Variants in LTBR observed in about 807,000 individuals in gnomAD.
The protein encoded by LTBR is tumor necrosis factor receptor superfamily member 3.
LTBR carries 15 observed loss-of-function variants against 45.4 expected under a neutral mutation model. The observed-to-expected ratio is 0.33, with a 90% CI of 0.22 to 0.51. The LOEUF (loss-of-function observed/expected upper bound fraction) is 0.51. LTBR is among the 20% of genes least tolerant of loss of function. LTBR has a pLI of 0.97. For missense variants in LTBR, 450 were observed against 565.5 expected, an observed-to-expected ratio of 0.80 and a Z score of 2.07; for synonymous variants, 228 against 231.0, an observed-to-expected ratio of 0.99 and a Z score of 0.12.
At chr12:6,390,446 A>C in intron 9 of LTBR, 106 bp downstream of exon 9, 1 of 1,069,046 alleles carries the variant, frequency 9.4e-7, no homozygotes, top group Non-Finnish European at 1.3e-6. Context: ...AGAGGCAGAC[A>C]GAGACTCCGC....
chr12:6,383,924 C>T (rs369118255), upstream of LTBR: 47 of 758,412 alleles, frequency 6.2e-5, no homozygotes, highest in African/African-American at 8.7e-4. Context: ...GGGCTGACCC[C>T]GGGCCCGCCG....
In LTBR at chr12:6,384,401, G is replaced by C; in HGVS notation, c.43G>C (p.Gly15Arg). ...WATSAPGLAW[G>R]PLVLGLFGLL... is the part of the protein sequence containing the mutation. ...CACCTCTGCCCCCGGCCTGGCCTGGGGGCCTCTGGTGCTGGGCCTCTTCGG... is the reference window on the plus strand; with the variant it reads ...CACCTCTGCCCCCGGCCTGGCCTGGCGGCCTCTGGTGCTGGGCCTCTTCGG... The change falls in exon 1 of 10, where the codon GGG becomes CGG. Residue 15 changes from glycine (G) to arginine (R), a missense_variant. Transcript: ENST00000228918. 1 of 1,541,288 alleles carries C rather than the reference G, an allele frequency of 6.5e-7. No homozygotes were observed. The highest frequency in any genetic ancestry group is 8.7e-7 in the Non-Finnish European group (1 of 1,147,660).
At position 6,391,070 on chromosome 12, in the gene LTBR, A is replaced by AGGTGTCTGAGC; in HGVS notation, c.*133_*134insGGTGTCTGAGC. 3.1e-6 allele frequency: 3 copies of AGGTGTCTGAGC among 960,440 alleles called. No individual in the cohort carries two copies. The highest frequency in any genetic ancestry group is 4.4e-6 in the Non-Finnish European group (3 of 683,192). The allele number at this position is 960,440 out of a possible 1,614,324, so 59.5% of individuals were successfully genotyped here. ...AGAGCCCTAAGGGATTAAGGCTCAG[A>AGGTGTCTGAGC]CACCTCTGAGAGCAGGTGGGCACTG... On this transcript the variant is annotated 3_prime_UTR_variant, in exon 10 of 10. Coordinates refer to ENST00000228918, the MANE Select transcript of LTBR (RefSeq NM_002342.3).
At chr12:6,377,036 T>A (rs1044915284) in intron 1 of LTBR, 29 of 488,084 alleles carry the variant, frequency 5.9e-5, no homozygotes, top group Non-Finnish European at 1.0e-4. Flanking sequence ...GCCTAGGGGC[T>A]CACTGCAGGA....
chr12:6,379,688 T>C (rs1948959542), upstream of LTBR, among the ~76,000 whole-genome samples: 1 of 152,036 alleles, frequency 6.6e-6, no homozygotes, highest in South Asian at 2.1e-4. Context: ...CCCAGCACTT[T>C]GGGAGGCCGA....
rs1831799326 is a variant in LTBR at position 6,385,051 on chromosome 12, A to G, written c.223A>G (p.Ile75Val). The change falls in exon 3 of 10, where the codon ATC (isoleucine) becomes GTC (valine). Residue 75 changes from isoleucine to valine, a missense_variant. Physicochemically the swap from Ile to Val is conservative, Grantham distance 29 (BLOSUM62 3). Coordinates refer to ENST00000228918, the MANE Select transcript of LTBR (RefSeq NM_002342.3). ...CTATGTCTCAGCTAAATGTAGCCGC[A>G]TCCGGGACACAGTTTGTGCCACATG... ...GTYVSAKCSR[I>V]RDTVCATCAE... 6.2e-7 allele frequency: 1 copy of G among 1,614,208 alleles called. No homozygotes were observed. The highest frequency in any genetic ancestry group is 1.7e-5 in the Admixed American group (1 of 60,030).
chr12:6,381,872 T>C (rs543024984), upstream of LTBR, among the ~76,000 whole-genome samples: 1 of 151,818 alleles, frequency 6.6e-6, no homozygotes, highest in East Asian at 1.9e-4. Context: ...ACTCGGGAGG[T>C]TGAGGCAGAG....
At chr12:6,384,122 C>T (rs1949010553), upstream of LTBR, 1 of 1,266,692 alleles carries the variant, frequency 7.9e-7, no homozygotes. Flanking sequence ...CGGCCTGGCT[C>T]CCAGCGCTCC....
upstream of LTBR, chr12:6,375,226 T>C (rs1306079472): frequency 3.5e-6 from 5 of 1,440,878 alleles, no homozygotes; most frequent in Non-Finnish European, 4.5e-6. Context: ...CTTCTGTTTC[T>C]CTTTGGGTCT....
chr12:6,386,301 G>C lies in LTBR; in HGVS notation c.570-46G>C, dbSNP rs745767976. The stretch of plus-strand genomic sequence containing the variant: ...GCCTGCCCAGTGGAGTCGGGACACT[G>C]GTGGGCCAGGGCGTGAAAAGGTCAT... On this transcript the variant is annotated intron_variant, in intron 5 of 9. Transcript: ENST00000228918. This position sits in a 1 kb window ranked among gnomAD's most constrained non-coding sequence, Gnocchi z 4.1. 1 of 1,564,086 alleles carries C rather than the reference G, an allele frequency of 6.4e-7. No homozygotes were observed. The highest frequency in any genetic ancestry group is 1.1e-5 in the South Asian group (1 of 89,780).
At chr12:6,378,338 A>G (rs911562646) in intron 1 of LTBR, among the ~76,000 whole-genome samples, 1 of 152,128 alleles carries the variant, frequency 6.6e-6, no homozygotes, top group South Asian at 2.1e-4. Flanking sequence ...TCTAGGCTGG[A>G]GTACAGCAGC....
intron 1 of LTBR, among the ~76,000 whole-genome samples, chr12:6,376,639 G>T (rs1948915372): frequency 6.6e-6 from 1 of 152,230 alleles, no homozygotes; most frequent in Admixed American, 6.5e-5. Context: ...AAAGGATAAG[G>T]AGTGGAGTGC....
In LTBR at chr12:6,390,973, A is replaced by G. The variant is rs1949107402; in HGVS notation, c.*36A>G. 3.3e-6 allele frequency: 5 copies of G among 1,502,932 alleles called. No individual in the cohort carries two copies. Among genetic ancestry groups the G allele is most frequent in the African/African-American group, 1.4e-5 (1 of 71,386 alleles). The allele number at this position is 1,502,932 out of a possible 1,614,324, so 93.1% of individuals were successfully genotyped here. The stretch of plus-strand genomic sequence containing the variant: ...GAAAAGGCAGAAGAAGGGGGGCACA[A>G]GGGCACCTTCTCCCTTGAGGCTGCC... On this transcript the variant is annotated 3_prime_UTR_variant, in exon 10 of 10. Transcript: ENST00000228918.
chr12:6,379,948 C>A (rs2364478), upstream of LTBR, among the ~76,000 whole-genome samples: 34,673 of 113,916 alleles, frequency 0.3, 5,039 homozygotes, highest in East Asian at 0.49. Context: ...AAAAAAAAAA[C>A]AAAAAAAAAA....
chr12:6,383,164 T>A (rs41318752), upstream of LTBR, among the ~76,000 whole-genome samples: 23,407 of 151,976 alleles, frequency 0.15, 2,661 homozygotes, highest in African/African-American at 0.32. Flanking sequence ...AGGGCAGAGG[T>A]TGCCTTCCAG....
chr12:6,382,345 G>C (rs1435068263), upstream of LTBR, among the ~76,000 whole-genome samples: 1 of 152,062 alleles, frequency 6.6e-6, no homozygotes, highest in Non-Finnish European at 1.5e-5. Context: ...GTTGAAGCTG[G>C]GTAAGGAGTA....
upstream of LTBR, chr12:6,383,952 C>T (rs1949008299): frequency 3.0e-6 from 3 of 1,000,592 alleles, no homozygotes; most frequent in East Asian, 7.0e-5. Context: ...CTCGGCTGGG[C>T]CAGGGCTGTC....
intron 8 of LTBR, chr12:6,389,676 C>T (rs1949088341): frequency 6.3e-6 from 1 of 157,856 alleles, no homozygotes; most frequent in African/African-American, 2.4e-5. Flanking sequence ...GTGGCAGGCA[C>T]CTGTAATCCC....
rs747390417 is a variant in LTBR at position 6,388,469 on chromosome 12, A to G, written c.739A>G (p.Ile247Val). The G allele has an allele frequency of 1.2e-6, 2 of 1,614,038 alleles. No homozygotes were observed. Among genetic ancestry groups the G allele is most frequent in the Admixed American group, 3.3e-5 (2 of 59,998 alleles). ...GCTCCTTGCCACCGTCTTCTCCTGC[A>G]TCTGGAAGAGCCACCCTTCTCTCTG... ...FLLLATVFSC[I>V]WKSHPSLCRK... Residue 247 changes from isoleucine to valine, a missense_variant, in exon 7 of 10, where the codon ATC becomes GTC. Ile to Val is a conservative substitution (Grantham distance 29, BLOSUM62 3). This residue lies in a region of LTBR where 367 missense variants were observed against 435.4 expected (regional missense o/e 0.84). Transcript: ENST00000228918. This position sits in a 1 kb window ranked among gnomAD's most constrained non-coding sequence, Gnocchi z 4.3.
Sources: allele counts gnomAD v4.1 joint callset (sites outside exome capture counted in the v4.1 genomes callset), GRCh38; gene constraint gnomAD v4.1.1; regional missense constraint gnomAD v4.1.1; non-coding constraint Gnocchi (gnomAD v3.1); transcripts MANE v1.5; gene names NCBI Gene and HGNC (gene_info 2026-07-23, HGNC 2026-07-21).